Variants in CNP observed in about 807,000 individuals in gnomAD.
CNP encodes the protein 2',3'-cyclic nucleotide 3' phosphodiesterase, also known as 2',3'-cyclic-nucleotide 3'-phosphodiesterase.
Under a neutral mutation model 37.9 loss-of-function variants are expected in CNP, and 8 were observed. The ratio of observed to expected loss-of-function variants is 0.21; its 90% CI spans 0.12 to 0.38. The LOEUF (loss-of-function observed/expected upper bound fraction) is 0.38. CNP is among the 10% of genes least tolerant of loss of function. CNP has a pLI of 1.00. For synonymous variants in CNP, 237 were observed against 238.3 expected (o/e 0.99, Z 0.05); for missense variants, 457 against 551.0 (o/e 0.83, Z 1.71).
chr17:41,968,208 G>C lies in CNP; in HGVS notation c.144G>C (p.Glu48Asp). 6.2e-7 allele frequency: 1 copy of C among 1,614,176 alleles called. No individual in the cohort carries two copies. Among genetic ancestry groups the C allele is most frequent in the Non-Finnish European group, 8.5e-7 (1 of 1,180,030 alleles). ...AGGACACAGTGGCCACGCTGCTAGA[G>C]TGCAAGACGCTCTTCATCTTGCGCG... Reference protein sequence around the residue: ...QDEDTVATLLECKTLFILRGL... With the variant: ...QDEDTVATLLDCKTLFILRGL... The change falls in exon 2 of 4, where the codon GAG (glutamate) becomes GAC (aspartate). Residue 48 changes from glutamate (E) to aspartate (D), a missense_variant. Physicochemically the swap from Glu to Asp is conservative, Grantham distance 45. Coordinates refer to ENST00000393892, the MANE Select transcript of CNP (RefSeq NM_033133.5). This position sits in a 1 kb window ranked among gnomAD's most constrained non-coding sequence, Gnocchi z 4.8.
chr17:41,971,724 A>T lies in CNP; in HGVS notation c.677-168A>T, dbSNP rs1185622302. 12 of 823,096 alleles carry T rather than the reference A, an allele frequency of 1.5e-5. No individual in the cohort carries two copies. In the East Asian group the frequency reaches 3.3e-4, roughly 23 times the overall value. 51.0% of individuals were successfully genotyped at this position (823,096 alleles called of 1,614,324 possible). A position where few individuals can be genotyped will look rare whatever the true frequency, so the allele number is the denominator to read the frequency against. On this transcript the variant is annotated intron_variant, in intron 2 of 3. Coordinates refer to ENST00000393892, the MANE Select transcript of CNP (RefSeq NM_033133.5). ...GAGAATTTTAACTTTTTATTGCTCT[A>T]AAGTTGCCATTAGTTTGACCAACTA...
intron 1 of CNP, chr17:41,967,270 C>A (rs888511990): frequency 1.3e-4 from 26 of 194,744 alleles, no homozygotes; most frequent in African/African-American, 5.3e-4. Flanking sequence ...CTGCCCCGCG[C>A]CCGGGTGCGG....
rs1275894262 is a variant in CNP, at chr17:41,974,029, A to C, written c.*105A>C. ...ATTTTTTTTTTTTTTTTTTTTACTC[A>C]AAGTTAACCTACCTGTAACTTTTTA... On this transcript the variant is annotated 3_prime_UTR_variant, in exon 4 of 4. Transcript: ENST00000393892. The C allele has an allele frequency of 1.1e-5, 10 of 945,808 alleles. No homozygotes were observed. The highest frequency in any genetic ancestry group is 1.7e-5 in the African/African-American group (1 of 58,526). The allele number at this position is 945,808 out of a possible 1,614,324, so 58.6% of individuals were successfully genotyped here.
At chr17:41,969,460 A>T (rs1216717431) in intron 2 of CNP, among the ~76,000 whole-genome samples, 1 of 152,228 alleles carries the variant, frequency 6.6e-6, no homozygotes, top group Non-Finnish European at 1.5e-5. Flanking sequence ...GAGATAAAGA[A>T]GGGTCCTGGT....
At position 41,973,634 on chromosome 17, in the gene CNP, G is replaced by A; in HGVS notation, c.976G>A (p.Gly326Arg). 1 of 1,614,148 alleles carries A rather than the reference G, an allele frequency of 6.2e-7. No individual in the cohort carries two copies. Among genetic ancestry groups the A allele is most frequent in the South Asian group, 1.1e-5 (1 of 91,080 alleles). The change falls in exon 4 of 4, where the codon GGG (glycine) becomes AGG (arginine). Residue 326 changes from glycine to arginine, a missense_variant. Gly to Arg is a moderately radical substitution (Grantham distance 125). Transcript: ENST00000393892. ...GTCACCCACTGACAACCTGCCGCGG[G>A]GGAGCCGCGCCCACATCACCCTCGG... ...KLSPTDNLPR[G>R]SRAHITLGCA... is the part of the protein sequence containing the mutation.
Position 41,968,543 on chromosome 17 carries a change from A to T in CNP, c.479A>T (p.Gln160Leu). The T allele has an allele frequency of 1.9e-6, 3 of 1,614,168 alleles. No homozygotes were observed. The highest frequency in any genetic ancestry group is 2.5e-6 in the Non-Finnish European group (3 of 1,180,044). The change falls in exon 2 of 4, where the codon CAG (glutamine) becomes CTG (leucine). Residue 160 changes from glutamine to leucine, a missense_variant. By Grantham distance (113) the Gln-to-Leu change is moderately radical (BLOSUM62 -2). Transcript: ENST00000393892. The surrounding 1 kb of genome is among the most constrained non-coding windows in gnomAD (Gnocchi z 4.8). ...ACGGCGTGGCGGCTGGACTGTGCCC[A>T]GCTCAAGGAGAAGAACCAGTGGCAG... is the stretch of plus-strand genomic sequence containing the variant. Reference protein sequence around the residue: ...PKTAWRLDCAQLKEKNQWQLS... With the variant: ...PKTAWRLDCALLKEKNQWQLS...
Position 41,968,318 on chromosome 17 carries a change from C to A in CNP, c.254C>A (p.Ala85Asp). 6.2e-7 allele frequency: 1 copy of A among 1,614,104 alleles called. No homozygotes were observed. The change falls in exon 2 of 4, where the codon GCT becomes GAT. Residue 85 changes from alanine (A) to aspartate (D), a missense_variant. Coordinates refer to ENST00000393892, the MANE Select transcript of CNP (RefSeq NM_033133.5). The surrounding 1 kb of genome is among the most constrained non-coding windows in gnomAD (Gnocchi z 4.8). Reference sequence around the variant, plus strand: ...GGCACCAAGATGGTGTCGGCTGACGCTTACAAGATCACCCCCGGCGCTCGA... The same window carrying A: ...GGCACCAAGATGGTGTCGGCTGACGATTACAAGATCACCCCCGGCGCTCGA... Reference protein sequence around the residue: ...RDGTKMVSADAYKITPGARGA... With the variant: ...RDGTKMVSADDYKITPGARGA...
Position 41,968,178 on chromosome 17 carries a change from G to A in CNP, c.114G>A (p.Gln38=). The change falls in exon 2 of 4, where the codon CAG becomes CAA. Residue 38 remains glutamine (Q), a synonymous_variant. Coordinates refer to ENST00000393892, the MANE Select transcript of CNP (RefSeq NM_033133.5). The surrounding 1 kb of genome is among the most constrained non-coding windows in gnomAD (Gnocchi z 4.8). ...CTGAGCTGCAGTTTCCCTTCCTTCAGGATGAGGACACAGTGGCCACGCTGC... is the reference window on the plus strand; with the variant it reads ...CTGAGCTGCAGTTTCCCTTCCTTCAAGATGAGGACACAGTGGCCACGCTGC... ...DKPELQFPFL[Q]DEDTVATLLE... 1 of 1,614,248 alleles carries A rather than the reference G, an allele frequency of 6.2e-7. No homozygotes were observed. The highest frequency in any genetic ancestry group is 8.5e-7 in the Non-Finnish European group (1 of 1,180,056).
intron 1 of CNP, chr17:41,967,263 C>T (rs1598099466): frequency 5.0e-6 from 1 of 200,162 alleles, no homozygotes; most frequent in East Asian, 1.1e-4. Flanking sequence ...GGAACCGCTG[C>T]CCCGCGCCCG....
In CNP at chr17:41,975,097, G is replaced by C. The variant is rs1426766070; in HGVS notation, c.*1173G>C. On this transcript the variant is annotated 3_prime_UTR_variant, in exon 4 of 4. Transcript: ENST00000393892. ...GTTGTCACTCAACAAAAGTGCTTTG[G>C]ATTTAAGTTACTATCCTGGCTTTGC... 6.6e-6 allele frequency: 1 copy of C among 152,262 alleles called. No individual in the cohort carries two copies. Among genetic ancestry groups the C allele is most frequent in the Non-Finnish European group, 1.5e-5 (1 of 68,072 alleles). 9.4% of individuals were successfully genotyped at this position (152,262 alleles called of 1,614,324 possible).
At chr17:41,967,574 TG>T in intron 1 of CNP, 1 of 827,704 alleles carries the variant, frequency 1.2e-6, no homozygotes, top group Non-Finnish European at 1.5e-6. Flanking sequence ...AGCCCTTCTG[TG>T]GGACCATTGT....
chr17:41,972,099 G>T, intron 3 of CNP, 68 bp downstream of exon 3: 1 of 1,579,214 alleles, frequency 6.3e-7, no homozygotes. Context: ...AGCATCTTCT[G>T]AAGATAGGTA....
chr17:41,977,439 C>A lies in CNP; in HGVS notation c.*3515C>A. 1 of 909,300 alleles carries A rather than the reference C, an allele frequency of 1.1e-6. No individual in the cohort carries two copies. Among genetic ancestry groups the A allele is most frequent in the South Asian group, 1.6e-5 (1 of 61,088 alleles). 56.3% of individuals were successfully genotyped at this position (909,300 alleles called of 1,614,324 possible). On this transcript the variant is annotated 3_prime_UTR_variant, in exon 4 of 4. Transcript: ENST00000393892. ...CAAAGCTTTCCTGGAGAGTCTCACT[C>A]CCCTCCTTTCCCAACACTTCAGACT...
rs371495132 is a variant in CNP at position 41,977,476 on chromosome 17, A to C, written c.*3552A>C. On this transcript the variant is annotated 3_prime_UTR_variant, in exon 4 of 4. Coordinates refer to ENST00000393892, the MANE Select transcript of CNP (RefSeq NM_033133.5). ...CAACACTTCAGACTGCAAGTGAGCA[A>C]ACCTGCCCCATCCCGTGCAAAACAT... is the stretch of plus-strand genomic sequence containing the variant. The C allele has an allele frequency of 1.6e-4, 101 of 648,468 alleles. No individual in the cohort carries two copies. The African/African-American group carries it at 1.8e-3, about 12-fold the overall frequency. 40.2% of individuals were successfully genotyped at this position (648,468 alleles called of 1,614,324 possible).
In CNP at chr17:41,976,558, C is replaced by A; in HGVS notation, c.*2634C>A. ...GCCTCCCTCCCCTGCCCTCGGTCTTCGGCATTGGTTCCCTTTGCTCCACCC... is the reference window on the plus strand; with the variant it reads ...GCCTCCCTCCCCTGCCCTCGGTCTTAGGCATTGGTTCCCTTTGCTCCACCC... On this transcript the variant is annotated 3_prime_UTR_variant, in exon 4 of 4. Transcript: ENST00000393892. The A allele has an allele frequency of 2.8e-6, 2 of 714,394 alleles. No homozygotes were observed. The highest frequency in any genetic ancestry group is 4.3e-6 in the Non-Finnish European group (2 of 459,912). The allele number at this position is 714,394 out of a possible 1,614,324, so 44.3% of individuals were successfully genotyped here.
rs183581071 is a variant in CNP, at chr17:41,976,966, C to T, written c.*3042C>T. 2 of 677,368 alleles carry T rather than the reference C, an allele frequency of 3.0e-6. No individual in the cohort carries two copies. Among genetic ancestry groups the T allele is most frequent in the African/African-American group, 3.6e-5 (2 of 55,216 alleles). The allele number at this position is 677,368 out of a possible 1,614,324, so 42.0% of individuals were successfully genotyped here. A position where few individuals can be genotyped will look rare whatever the true frequency, so the allele number is the denominator to read the frequency against. On this transcript the variant is annotated 3_prime_UTR_variant, in exon 4 of 4. Transcript: ENST00000393892. The stretch of plus-strand genomic sequence containing the variant: ...TGTATTATACATGGGTAGCTTCTGA[C>T]CTCAGCATTATCTATATAGTACCTT...
At chr17:41,972,193 T>TCTG (rs2051000501) in intron 3 of CNP, among the ~76,000 whole-genome samples, 162 bp downstream of exon 3, 1 of 152,038 alleles carries the variant, frequency 6.6e-6, no homozygotes, top group African/African-American at 2.4e-5. Flanking sequence ...TCCCCAGGCG[T>TCTG]AGCTGCATAG....
Position 41,976,701 on chromosome 17 carries a change from G to C in CNP, c.*2777G>C. On this transcript the variant is annotated 3_prime_UTR_variant, in exon 4 of 4. Coordinates refer to ENST00000393892, the MANE Select transcript of CNP (RefSeq NM_033133.5). ...ATTCAAGATTAAACTGAGTGAATCT[G>C]CATTTTCTGGGTTCTGGGTGGTTGC... 6.2e-7 allele frequency: 1 copy of C among 1,605,812 alleles called. No individual in the cohort carries two copies. Among genetic ancestry groups the C allele is most frequent in the South Asian group, 1.1e-5 (1 of 90,548 alleles).
rs554137800 is a variant in CNP, at chr17:41,969,160, AAATAAT to A, written c.676+430_676+435del. ...TTTAGCAGCAGAATCATGTTCCAAA[AAATAAT>A]AATAATAATCACATGAAATTGTAAG... On this transcript the variant is annotated intron_variant, in intron 2 of 3. Transcript: ENST00000393892. Among the ~76,000 whole-genome samples the A allele has an allele frequency of 1.2e-3, 184 of 152,310 alleles. 1 individual carries two copies. The highest frequency in any genetic ancestry group is 3.9e-3 in the African/African-American group (162 of 41,554).
Sources: gnomAD v4.1 joint callset for allele counts (sites outside exome capture counted in the v4.1 genomes callset) on GRCh38, gnomAD v4.1.1 for gene constraint, Gnocchi (gnomAD v3.1) non-coding constraint, MANE v1.5 for transcripts, NCBI Gene and HGNC (gene_info 2026-07-23, HGNC 2026-07-21) for gene names.